The following CHD1L variants were observed in gnomAD, a reference collection of about 807,000 sequenced individuals.
CHD1L encodes chromodomain helicase DNA binding protein 1 like.
Under a neutral mutation model 115.9 loss-of-function variants are expected in CHD1L, and 118 were observed. The ratio of observed to expected loss-of-function variants is 1.02; its 90% CI spans 0.88 to 1.19. The LOEUF (loss-of-function observed/expected upper bound fraction) is 1.19. CHD1L is among the 50% of genes most tolerant of loss of function. The probability of loss-of-function intolerance (pLI) is 0.00; values close to 1 mark genes in which losing one functional copy is unlikely to be tolerated. For synonymous variants in CHD1L, 411 were observed against 387.1 expected (o/e 1.06, Z -0.72); for missense variants, 1,179 against 1,065.3 (o/e 1.11, Z -1.49).
chr1:147,237,747 C>T (rs1195950714), upstream of CHD1L, among the ~76,000 whole-genome samples: 1 of 152,178 alleles, frequency 6.6e-6, no homozygotes, highest in Non-Finnish European at 1.5e-5. Flanking sequence ...GGGCAGATTG[C>T]ATAAACGTTA....
At chr1:147,294,278 C>T (rs1686721432) in intron 21 of CHD1L, 131 bp from the exon 22 acceptor site, 2 of 520,266 alleles carry the variant, frequency 3.8e-6, no homozygotes, top group Non-Finnish European at 6.5e-6. Context: ...AATTCTTCCC[C>T]CGGAATATTT....
At chr1:147,215,580 C>T in the CHD1L span, 1 of 548,216 alleles carries the variant, frequency 1.8e-6, no homozygotes. Context: ...GAGACTGTCC[C>T]TTGAATATTT....
At chr1:147,265,508 C>T (rs971500197) in intron 7 of CHD1L, among the ~76,000 whole-genome samples, 3 of 152,144 alleles carry the variant, frequency 2.0e-5, no homozygotes, top group Non-Finnish European at 2.9e-5. Flanking sequence ...AGTCAAAGAG[C>T]CAAATTTGAA....
intron 9 of CHD1L, 86 bp from the exon 10 acceptor site, chr1:147,268,696 C>CT: frequency 9.9e-7 from 1 of 1,014,884 alleles, no homozygotes; most frequent in Middle Eastern, 2.8e-4. Flanking sequence ...ATATGATGAG[C>CT]TTTTGGCTTC....
At chr1:147,220,142 G>T in the CHD1L span, among the ~76,000 whole-genome samples, 1 of 151,994 alleles carries the variant, frequency 6.6e-6, no homozygotes, top group Non-Finnish European at 1.5e-5. Flanking sequence ...CCAGTCATTT[G>T]CTTTTTTATA....
chr1:147,233,658 G>C, the CHD1L span, among the ~76,000 whole-genome samples: 3 of 152,206 alleles, frequency 2.0e-5, no homozygotes, highest in Non-Finnish European at 1.5e-5. Flanking sequence ...AGAAAGGGGG[G>C]AAAGGTGGGG....
chr1:147,242,432 C>A (rs1301956513), upstream of CHD1L, among the ~76,000 whole-genome samples: 2 of 152,176 alleles, frequency 1.3e-5, no homozygotes, highest in Non-Finnish European at 2.9e-5. Context: ...GCAGTTCAGG[C>A]AATCAGACGT....
chr1:147,219,534 C>G, the CHD1L span, among the ~76,000 whole-genome samples: 1 of 152,048 alleles, frequency 6.6e-6, no homozygotes, highest in Non-Finnish European at 1.5e-5. Context: ...TCATACTTAA[C>G]AGTGAGAAAT....
chr1:147,207,869 G>A, the CHD1L span, among the ~76,000 whole-genome samples: 8,494 of 152,188 alleles, frequency 0.056, 265 homozygotes, highest in African/African-American at 0.092. Context: ...GGGTCAGGAG[G>A]TAATGGTATG....
At chr1:147,215,481 G>A in the CHD1L span, 1 of 385,950 alleles carries the variant, frequency 2.6e-6, no homozygotes. Flanking sequence ...CCCTTCATCT[G>A]TTTATTGCAA....
At chr1:147,286,206 C>G in intron 17 of CHD1L, 92 bp from the exon 18 acceptor site, 1 of 1,206,892 alleles carries the variant, frequency 8.3e-7, no homozygotes, top group Non-Finnish European at 1.2e-6. Context: ...TTCTACTTGG[C>G]AGATATTGTT....
chr1:147,180,995 G>A, the CHD1L span, among the ~76,000 whole-genome samples: 3 of 152,200 alleles, frequency 2.0e-5, no homozygotes, highest in East Asian at 1.9e-4. Context: ...GTCTAGAGAC[G>A]AGTATTCAAG....
At chr1:147,195,882 T>C in the CHD1L span, among the ~76,000 whole-genome samples, 1 of 152,164 alleles carries the variant, frequency 6.6e-6, no homozygotes, top group South Asian at 2.1e-4. Context: ...TGGGTATCTA[T>C]AATAATTATA....
At chr1:147,267,976 A>T (rs1430386818) in intron 9 of CHD1L, among the ~76,000 whole-genome samples, 2 of 152,166 alleles carry the variant, frequency 1.3e-5, no homozygotes, top group African/African-American at 4.8e-5. Flanking sequence ...AGGTTCACTA[A>T]TGATCTCCCT....
chr1:147,270,617 G>A (rs1309110330), intron 10 of CHD1L, among the ~76,000 whole-genome samples: 2 of 151,248 alleles, frequency 1.3e-5, no homozygotes, highest in Admixed American at 1.3e-4. Context: ...TCTTTCCATT[G>A]AGCAAATTGA....
the CHD1L span, among the ~76,000 whole-genome samples, chr1:147,222,646 G>GGTCT: frequency 6.6e-6 from 1 of 152,134 alleles, no homozygotes; most frequent in Non-Finnish European, 1.5e-5. Context: ...ACACAGGTGT[G>GGTCT]GTCTGTTGGA....
At chr1:147,259,144 G>C (rs587641041) in intron 5 of CHD1L, 35 of 152,172 alleles carry the variant, frequency 2.3e-4, no homozygotes, top group African/African-American at 8.4e-4. Flanking sequence ...TTCTTAAATA[G>C]CTTCTCAGTA....
Position 147,285,488 on chromosome 1 carries a change from G to C in CHD1L, c.2018+1G>C, listed in dbSNP as rs782133714. Reference sequence around the variant, plus strand: ...AGGAAGAGGCTGAACATAAGAAAAAGTATGTCTGCGTTAACCAAGCTGGCG... The same window carrying C: ...AGGAAGAGGCTGAACATAAGAAAAACTATGTCTGCGTTAACCAAGCTGGCG... On this transcript the variant is annotated splice_donor_variant, in intron 17 of 22. Coordinates refer to ENST00000369258, the MANE Select transcript of CHD1L (RefSeq NM_004284.6). LOFTEE classifies it high-confidence loss of function. 3 of 1,608,550 alleles carry C rather than the reference G, an allele frequency of 1.9e-6. No homozygotes were observed. Among genetic ancestry groups the C allele is most frequent in the Non-Finnish European group, 8.5e-7 (1 of 1,178,522 alleles).
the CHD1L span, among the ~76,000 whole-genome samples, chr1:147,181,715 A>G: frequency 2.0e-5 from 3 of 152,216 alleles, no homozygotes; most frequent in East Asian, 5.8e-4. Context: ...ATGCAGGCAG[A>G]TAACCAAAAT....
Sources: gnomAD v4.1 joint callset for allele counts (sites outside exome capture counted in the v4.1 genomes callset) on GRCh38, gnomAD v4.1.1 for gene constraint, MANE v1.5 for transcripts, NCBI Gene and HGNC (gene_info 2026-07-23, HGNC 2026-07-21) for gene names.